CAMK1D: variants seen among roughly 807,000 people sequenced by gnomAD.
The protein encoded by CAMK1D is calcium/calmodulin dependent protein kinase ID.
In CAMK1D, 9 loss-of-function variants were observed where a neutral mutation model predicts 47.7. The ratio of observed to expected loss-of-function variants is 0.19; its 90% CI spans 0.11 to 0.33. The LOEUF (loss-of-function observed/expected upper bound fraction) is 0.33, where lower values mean the gene tolerates loss of function less well. Ranked by LOEUF, CAMK1D falls within the 10% of genes least tolerant of loss-of-function variation. The probability of loss-of-function intolerance (pLI) is 1.00; values close to 1 mark genes in which losing one functional copy is unlikely to be tolerated. For missense variants in CAMK1D, 291 were observed against 488.7 expected (o/e 0.60, Z 3.81); for synonymous variants, 184 against 184.9 (o/e 0.99, Z 0.04).
intron 1 of CAMK1D, among the ~76,000 whole-genome samples, chr10:12,421,665 A>G (rs903600416): frequency 1.3e-5 from 2 of 151,138 alleles, no homozygotes; most frequent in Non-Finnish European, 2.9e-5. Flanking sequence ...AGCTGGGTCT[A>G]CAGGTGTGCA....
At chr10:12,603,159 C>T (rs1015180893) in intron 2 of CAMK1D, among the ~76,000 whole-genome samples, 3 of 152,032 alleles carry the variant, frequency 2.0e-5, no homozygotes, top group South Asian at 2.1e-4. Flanking sequence ...GATCCACCTC[C>T]CAAAGTGCTG....
intron 1 of CAMK1D, among the ~76,000 whole-genome samples, chr10:12,417,458 A>G (rs1839892028): frequency 1.3e-5 from 2 of 152,226 alleles, no homozygotes; most frequent in Non-Finnish European, 2.9e-5. Context: ...TTACAGAGCA[A>G]GAGGTAACCA....
intron 6 of CAMK1D, among the ~76,000 whole-genome samples, chr10:12,803,958 C>T (rs999667512): frequency 6.6e-6 from 1 of 152,202 alleles, no homozygotes; most frequent in Non-Finnish European, 1.5e-5. Flanking sequence ...ACTGTGTCAT[C>T]TGCTGGGCAG....
chr10:12,793,217 C>A (rs1259786078), intron 6 of CAMK1D, among the ~76,000 whole-genome samples: 1 of 152,170 alleles, frequency 6.6e-6, no homozygotes, highest in Non-Finnish European at 1.5e-5. Flanking sequence ...TCTAGAGAAA[C>A]CTTCCCTGGG....
intron 1 of CAMK1D, among the ~76,000 whole-genome samples, chr10:12,387,068 A>G (rs1588429362): frequency 6.6e-6 from 1 of 151,208 alleles, no homozygotes; most frequent in South Asian, 2.1e-4. Context: ...GCCAGGTGTG[A>G]TGGCGGGCAC....
chr10:12,585,285 C>G (rs756089539), intron 2 of CAMK1D, among the ~76,000 whole-genome samples: 1 of 152,228 alleles, frequency 6.6e-6, no homozygotes, highest in Non-Finnish European at 1.5e-5. Flanking sequence ...GCCTGAGACT[C>G]TGCATTTCTG....
rs549934811 is a variant in CAMK1D, at chr10:12,769,573, G to A, written c.439-100G>A. ...TCTACTGTGTCCAAAGGTCAAGGAC[G>A]TCCTGACGTTGTGAATAGGTTTTGC... is the stretch of plus-strand genomic sequence containing the variant. On this transcript the variant is annotated intron_variant, in intron 4 of 10. Transcript: ENST00000619168. 6.6e-5 allele frequency: 90 copies of A among 1,354,650 alleles called. 1 individual carries two copies. Among genetic ancestry groups the A allele is most frequent in the South Asian group, 3.3e-4 (24 of 73,594 alleles). The allele number at this position is 1,354,650 out of a possible 1,614,324, so 83.9% of individuals were successfully genotyped here.
chr10:12,561,445 G>A (rs1215116740), intron 2 of CAMK1D, among the ~76,000 whole-genome samples: 1 of 151,980 alleles, frequency 6.6e-6, no homozygotes, highest in Non-Finnish European at 1.5e-5. Context: ...GACATTGACA[G>A]GTCTTCCATA....
At chr10:12,769,837 G>A (rs1299861724) in intron 5 of CAMK1D, 38 bp downstream of exon 5, 4 of 1,610,916 alleles carry the variant, frequency 2.5e-6, no homozygotes, top group East Asian at 2.2e-5. Flanking sequence ...GCCCGTGTGT[G>A]TGTGATGTCC....
chr10:12,416,437 G>A (rs1839852883), intron 1 of CAMK1D, among the ~76,000 whole-genome samples: 1 of 152,192 alleles, frequency 6.6e-6, no homozygotes, highest in African/African-American at 2.4e-5. Flanking sequence ...AAAATTTAGA[G>A]TTGGAAAAAG....
intron 2 of CAMK1D, among the ~76,000 whole-genome samples, chr10:12,652,396 AC>A (rs1839999185): frequency 6.9e-6 from 1 of 145,516 alleles, no homozygotes; most frequent in Non-Finnish European, 1.5e-5. Context: ...CCTGGCTAAC[AC>A]GGTGAAACCC....
chr10:12,683,519 C>T (rs915413282), intron 3 of CAMK1D, among the ~76,000 whole-genome samples: 1 of 152,152 alleles, frequency 6.6e-6, no homozygotes, highest in Admixed American at 6.5e-5. Flanking sequence ...TAATGTTACA[C>T]TTGTTCTGTG....
chr10:12,480,460 A>C (rs1969930), intron 1 of CAMK1D, among the ~76,000 whole-genome samples: 16,558 of 118,042 alleles, frequency 0.14, 1,001 homozygotes, highest in Middle Eastern at 0.21. Flanking sequence ...AAAACAAAAA[A>C]AAACCACTCA....
intron 1 of CAMK1D, among the ~76,000 whole-genome samples, chr10:12,377,546 T>A: frequency 6.6e-6 from 1 of 152,242 alleles, no homozygotes; most frequent in Admixed American, 6.5e-5. Context: ...TAATGATTTT[T>A]CTTTTCTTGT....
intron 3 of CAMK1D, among the ~76,000 whole-genome samples, chr10:12,694,906 A>T (rs1227446912): frequency 6.6e-6 from 1 of 152,084 alleles, no homozygotes; most frequent in Non-Finnish European, 1.5e-5. Flanking sequence ...GTATTTTGCT[A>T]AACTGTCATG....
intron 2 of CAMK1D, among the ~76,000 whole-genome samples, chr10:12,555,481 G>A (rs1659342773): frequency 6.6e-6 from 1 of 152,218 alleles, no homozygotes; most frequent in African/African-American, 2.4e-5. Context: ...TGAGTTTCAG[G>A]TTGTCCTGAG....
chr10:12,479,957 T>G (rs563001309), intron 1 of CAMK1D, among the ~76,000 whole-genome samples: 4 of 152,140 alleles, frequency 2.6e-5, no homozygotes, highest in Non-Finnish European at 5.9e-5. Context: ...CAAATGCCAC[T>G]TCCTGGCAGC....
At chr10:12,695,387 C>T (rs1833246186) in intron 3 of CAMK1D, among the ~76,000 whole-genome samples, 1 of 152,100 alleles carries the variant, frequency 6.6e-6, no homozygotes, top group Admixed American at 6.6e-5. Flanking sequence ...TGTCCTGCCT[C>T]CACAGCCTCT....
intron 1 of CAMK1D, among the ~76,000 whole-genome samples, chr10:12,404,818 A>G (rs1172194418): frequency 6.6e-6 from 1 of 151,832 alleles, no homozygotes; most frequent in East Asian, 1.9e-4. Flanking sequence ...TCTCACGAGA[A>G]GCTGGGACTG....
Sources: allele counts gnomAD v4.1 joint callset (sites outside exome capture counted in the v4.1 genomes callset), GRCh38; gene constraint gnomAD v4.1.1; transcripts MANE v1.5; gene names NCBI Gene and HGNC (gene_info 2026-07-23, HGNC 2026-07-21).